Variants in SLC2A9 observed in about 807,000 individuals in gnomAD.
The protein encoded by SLC2A9 is solute carrier family 2, facilitated glucose transporter member 9.
A neutral mutation model predicts 50.6 loss-of-function variants in SLC2A9; 39 were observed. That is an observed-to-expected ratio of 0.77 (90% CI 0.60 to 1.01). SLC2A9 has a LOEUF of 1.01. Ranked by LOEUF, SLC2A9 falls within the 50% of genes least tolerant of loss-of-function variation. The pLI is 0.00. For synonymous variants in SLC2A9, 324 were observed against 276.9 expected (o/e 1.17, Z -1.69); for missense variants, 686 against 677.6 (o/e 1.01, Z -0.14).
chr4:9,971,046 T>C (rs968410342), intron 5 of SLC2A9, among the ~76,000 whole-genome samples: 13 of 152,180 alleles, frequency 8.5e-5, no homozygotes, highest in Middle Eastern at 3.2e-3. Flanking sequence ...ATCTTTAGTG[T>C]TGTGAGCCCC....
At chr4:9,805,032 C>T (rs1721942128) in intron 3 of SLC2A9, among the ~76,000 whole-genome samples, 1 of 152,202 alleles carries the variant, frequency 6.6e-6, no homozygotes, top group East Asian at 1.9e-4. Flanking sequence ...GAGACTCTGC[C>T]TGAAGTAGAG....
intron 3 of SLC2A9, among the ~76,000 whole-genome samples, chr4:9,802,542 G>GT (rs1215988578): frequency 2.1e-5 from 3 of 145,182 alleles, no homozygotes; most frequent in Non-Finnish European, 3.0e-5. Context: ...CAGTAAAGAG[G>GT]TTTTTTTTGT....
upstream of SLC2A9, chr4:10,025,730 C>G (rs6819833): frequency 0.26 from 159,436 of 621,778 alleles, 24,050 homozygotes; most frequent in African/African-American, 0.51. Context: ...TCATCCCAGA[C>G]ACTCTACAAT....
At chr4:9,951,435 A>G (rs552055227) in intron 5 of SLC2A9, among the ~76,000 whole-genome samples, 2 of 152,340 alleles carry the variant, frequency 1.3e-5, no homozygotes, top group South Asian at 4.1e-4. Context: ...AAAGTTAACA[A>G]AAATGTATTT....
At chr4:9,789,532 C>T (rs1719635570) in intron 3 of SLC2A9, among the ~76,000 whole-genome samples, 1 of 152,170 alleles carries the variant, frequency 6.6e-6, no homozygotes, top group African/African-American at 2.4e-5. Flanking sequence ...GACTTGCCTA[C>T]ACCTAGAATA....
chr4:9,967,163 GT>G (rs927240377), intron 5 of SLC2A9, among the ~76,000 whole-genome samples: 3 of 152,084 alleles, frequency 2.0e-5, no homozygotes, highest in African/African-American at 4.8e-5. Flanking sequence ...AATTGAGATT[GT>G]TTTTTAAAAT....
At chr4:9,978,860 T>G (rs1755246197) in intron 5 of SLC2A9, among the ~76,000 whole-genome samples, 1 of 152,218 alleles carries the variant, frequency 6.6e-6, no homozygotes, top group South Asian at 2.1e-4. Context: ...AAAGTACACT[T>G]AAGAATGGTC....
chr4:9,853,800 G>A (rs797015477), intron 10 of SLC2A9, among the ~76,000 whole-genome samples: 29 of 151,338 alleles, frequency 1.9e-4, no homozygotes, highest in African/African-American at 6.9e-4. Context: ...CCACACCCTT[G>A]GAACACAGTG....
chr4:10,027,034 ACT>A (rs1763777504), intron 1 of SLC2A9, among the ~76,000 whole-genome samples: 1 of 151,562 alleles, frequency 6.6e-6, no homozygotes. Flanking sequence ...ACAGAGTGAA[ACT>A]CTGTCTCAAA....
intron 6 of SLC2A9, among the ~76,000 whole-genome samples, chr4:9,928,132 G>C (rs1745253067): frequency 6.6e-6 from 1 of 152,058 alleles, no homozygotes; most frequent in Non-Finnish European, 1.5e-5. Context: ...CAAAACAAAA[G>C]AAACCACAAA....
At chr4:9,860,510 G>C (rs142856421) in intron 10 of SLC2A9, among the ~76,000 whole-genome samples, 1,993 of 152,336 alleles carry the variant, frequency 0.013, 22 homozygotes, top group Non-Finnish European at 0.02. Flanking sequence ...AACAGGTGAA[G>C]GAACAAGAAC....
chr4:10,022,341 G>A (rs146158632), upstream of SLC2A9, among the ~76,000 whole-genome samples: 1 of 152,224 alleles, frequency 6.6e-6, no homozygotes, highest in Admixed American at 6.5e-5. Flanking sequence ...CAAAGGCGAG[G>A]GCTGTGGGTT....
chr4:9,840,583 T>G (rs77388911), intron 10 of SLC2A9, among the ~76,000 whole-genome samples: 2 of 152,184 alleles, frequency 1.3e-5, no homozygotes, highest in African/African-American at 4.8e-5. Context: ...CTAGAGATGA[T>G]CTCCATTTGT....
intron 3 of SLC2A9, chr4:9,782,664 T>G: frequency 6.2e-7 from 1 of 1,614,018 alleles, no homozygotes; most frequent in African/African-American, 1.3e-5. Context: ...GAGCCCGACG[T>G]GAATGCAGAG....
chr4:9,844,126 C>T lies in SLC2A9; in HGVS notation c.1292-9118G>A, dbSNP rs530674713. 3.8e-4 allele frequency among the ~76,000 whole-genome samples: 47 copies of T among 122,114 alleles called. 1 individual carries two copies. The South Asian group carries it at 6.3e-3, about 16-fold the overall frequency. The allele number at this position is 122,114 out of a possible 152,430, so 80.1% of individuals were successfully genotyped here. ...AATGTATTTGCTCAAGGTAATGAAA[C>T]TTGGTGGAAGAGCCAGATTTAGTAA... On this transcript the variant is annotated intron_variant, in intron 10 of 11. Transcript: ENST00000264784.
At chr4:9,982,139 C>G (rs140909862) in intron 4 of SLC2A9, among the ~76,000 whole-genome samples, 2,226 of 152,310 alleles carry the variant, frequency 0.015, 64 homozygotes, top group African/African-American at 0.05. Context: ...CTTGGCCTCC[C>G]AAAGTGTTAG....
chr4:9,977,951 T>C (rs1195952873), intron 5 of SLC2A9, among the ~76,000 whole-genome samples: 2 of 152,202 alleles, frequency 1.3e-5, no homozygotes, highest in Non-Finnish European at 2.9e-5. Context: ...TTGACGCCTC[T>C]GGGTTAGTGT....
intron 10 of SLC2A9, among the ~76,000 whole-genome samples, chr4:9,868,958 T>C (rs1732963883): frequency 6.6e-6 from 1 of 152,142 alleles, no homozygotes; most frequent in Non-Finnish European, 1.5e-5. Flanking sequence ...TGCTGACATA[T>C]AAAGGGGAAT....
At chr4:9,892,246 G>A (rs1245243939) in intron 8 of SLC2A9, among the ~76,000 whole-genome samples, 1 of 152,210 alleles carries the variant, frequency 6.6e-6, no homozygotes, top group Non-Finnish European at 1.5e-5. Flanking sequence ...TGCTGCCTGG[G>A]GCCATGGACC....
Sources: gnomAD v4.1 joint callset for allele counts (sites outside exome capture counted in the v4.1 genomes callset) on GRCh38, gnomAD v4.1.1 for gene constraint, MANE v1.5 for transcripts, NCBI Gene and HGNC (gene_info 2026-07-23, HGNC 2026-07-21) for gene names.